SPATS2: variants seen among roughly 807,000 people sequenced by gnomAD.
SPATS2 encodes spermatogenesis-associated serine-rich protein 2.
SPATS2 carries 38 observed loss-of-function variants against 63.7 expected under a neutral mutation model. The ratio of observed to expected loss-of-function variants is 0.60; its 90% CI spans 0.46 to 0.78. SPATS2 has a LOEUF of 0.78. Among genes scored for constraint, SPATS2 ranks in the 30% least tolerant of loss-of-function variants. The probability of loss-of-function intolerance (pLI) is 0.00; values close to 1 mark genes in which losing one functional copy is unlikely to be tolerated. For missense variants in SPATS2, 588 were observed against 666.2 expected (o/e 0.88, Z 1.29); for synonymous variants, 207 against 232.9 (o/e 0.89, Z 1.01).
chr12:49,462,646 G>A, intron 3 of SPATS2: 1 of 588,870 alleles, frequency 1.7e-6, no homozygotes, highest in Admixed American at 3.0e-5. Flanking sequence ...GTAAATGCGG[G>A]AGATTTTATT....
At chr12:49,372,744 T>C (rs1944020010) in intron 2 of SPATS2, among the ~76,000 whole-genome samples, 1 of 152,168 alleles carries the variant, frequency 6.6e-6, no homozygotes, top group Non-Finnish European at 1.5e-5. Flanking sequence ...GTGTCTGCTG[T>C]ATGCTTTAAA....
chr12:49,386,393 AC>A (rs1944319917), intron 2 of SPATS2, among the ~76,000 whole-genome samples: 1 of 150,880 alleles, frequency 6.6e-6, no homozygotes. Flanking sequence ...CAAACTCCTG[AC>A]CTCTCAGGTG....
Position 49,494,837 on chromosome 12 carries a change from G to A in SPATS2, c.361G>A (p.Ala121Thr). Residue 121 changes from alanine to threonine, a missense_variant, in exon 7 of 14, where the codon GCG (alanine) becomes ACG (threonine). Coordinates refer to ENST00000552918, the MANE Select transcript of SPATS2 (RefSeq NM_023071.4). ...KSVSIQEEQS[A>T]PSSEKGGMNG... is the part of the protein sequence containing the mutation. ...AGTTTCCATTCAAGAGGAACAGTCT[G>A]CGCCTTCCTCAGAGAAAGGTGGTAT... 6.2e-7 allele frequency: 1 copy of A among 1,613,836 alleles called. No individual in the cohort carries two copies.
intron 8 of SPATS2, among the ~76,000 whole-genome samples, chr12:49,498,814 A>T (rs181271974): frequency 5.8e-4 from 66 of 114,110 alleles, no homozygotes; most frequent in African/African-American, 2.4e-3. Context: ...TTTTTTTGAG[A>T]TGGAGTTTCA....
At chr12:49,484,457 C>A in intron 3 of SPATS2, 133 bp from the exon 4 acceptor site, 1 of 679,902 alleles carries the variant, frequency 1.5e-6, no homozygotes, top group Non-Finnish European at 2.5e-6. Context: ...ATCTATGTAA[C>A]AGAATTTGCC....
intron 2 of SPATS2, among the ~76,000 whole-genome samples, chr12:49,407,087 A>G (rs938599764): frequency 3.3e-5 from 5 of 152,160 alleles, no homozygotes; most frequent in African/African-American, 1.2e-4. Flanking sequence ...CCTTGGAATC[A>G]TCCTTGATGC....
intron 2 of SPATS2, among the ~76,000 whole-genome samples, chr12:49,426,171 G>A (rs780670640): frequency 6.6e-6 from 1 of 151,984 alleles, no homozygotes; most frequent in Non-Finnish European, 1.5e-5. Context: ...GAGGTAAAAG[G>A]ACATCTTTAG....
chr12:49,430,555 A>G (rs1945168213), intron 2 of SPATS2, among the ~76,000 whole-genome samples: 1 of 152,072 alleles, frequency 6.6e-6, no homozygotes, highest in African/African-American at 2.4e-5. Context: ...CTTGTTTTCC[A>G]TCATTATCTG....
At chr12:49,521,251 A>G (rs1302585368) in intron 11 of SPATS2, among the ~76,000 whole-genome samples, 1 of 152,226 alleles carries the variant, frequency 6.6e-6, no homozygotes, top group Non-Finnish European at 1.5e-5. Context: ...GCTGTACAAC[A>G]GTCTCTCTAA....
intron 11 of SPATS2, among the ~76,000 whole-genome samples, chr12:49,522,291 A>G (rs1946954357): frequency 6.6e-6 from 1 of 152,248 alleles, no homozygotes; most frequent in African/African-American, 2.4e-5. Flanking sequence ...GGACTAAGAA[A>G]TCCTACTTTA....
intron 2 of SPATS2, among the ~76,000 whole-genome samples, chr12:49,374,118 T>C (rs923629870): frequency 3.3e-5 from 5 of 151,886 alleles, no homozygotes; most frequent in Admixed American, 6.6e-5. Flanking sequence ...TTTATAAATA[T>C]GTTATTATTT....
intron 3 of SPATS2, among the ~76,000 whole-genome samples, chr12:49,476,868 G>A (rs1330678732): frequency 6.6e-6 from 1 of 152,216 alleles, no homozygotes; most frequent in African/African-American, 2.4e-5. Flanking sequence ...CACTTTGGGA[G>A]GCCGAGGCGG....
chr12:49,421,606 T>G (rs1944985826), intron 2 of SPATS2, among the ~76,000 whole-genome samples: 1 of 152,100 alleles, frequency 6.6e-6, no homozygotes, highest in Non-Finnish European at 1.5e-5. Flanking sequence ...TTTTAAAGTC[T>G]AAAAGGTTTT....
At chr12:49,461,729 C>G (rs974282920) in intron 3 of SPATS2, among the ~76,000 whole-genome samples, 2 of 152,142 alleles carry the variant, frequency 1.3e-5, no homozygotes, top group African/African-American at 4.8e-5. Context: ...ATTCATAGAT[C>G]CAGGTCTCAC....
intron 2 of SPATS2, among the ~76,000 whole-genome samples, chr12:49,382,046 C>T (rs565395750): frequency 6.6e-6 from 1 of 152,156 alleles, no homozygotes; most frequent in Admixed American, 6.5e-5. Context: ...CTTCTGAAGG[C>T]CCTCTCTCCC....
chr12:49,389,463 C>T (rs1944381371), intron 2 of SPATS2: 3 of 717,648 alleles, frequency 4.2e-6, no homozygotes, highest in Admixed American at 2.1e-5. Context: ...TTTGAGTCCT[C>T]ATCGCCACAG....
intron 4 of SPATS2, among the ~76,000 whole-genome samples, chr12:49,485,961 G>A (rs995262680): frequency 6.6e-6 from 1 of 150,952 alleles, no homozygotes; most frequent in African/African-American, 2.4e-5. Flanking sequence ...GTTTTGTCAT[G>A]TTGGCCAGGC....
intron 2 of SPATS2, among the ~76,000 whole-genome samples, chr12:49,392,824 G>A (rs1323773870): frequency 6.6e-6 from 1 of 151,890 alleles, no homozygotes; most frequent in African/African-American, 2.4e-5. Context: ...AGCTGAGTTG[G>A]GTGGATCACC....
At chr12:49,512,638 A>T (rs760179280) in intron 9 of SPATS2, among the ~76,000 whole-genome samples, 8 of 152,258 alleles carry the variant, frequency 5.3e-5, no homozygotes, top group Non-Finnish European at 7.3e-5. Context: ...TAAAAGTGTC[A>T]TCTGACATTC....
Sources: gnomAD v4.1 joint callset for allele counts (sites outside exome capture counted in the v4.1 genomes callset) on GRCh38, gnomAD v4.1.1 for gene constraint, MANE v1.5 for transcripts, NCBI Gene and HGNC (gene_info 2026-07-23, HGNC 2026-07-21) for gene names.